RNF125: variants seen among roughly 807,000 people sequenced by gnomAD.
RNF125 encodes ring finger protein 125.
RNF125 carries 21 observed loss-of-function variants against 26.0 expected under a neutral mutation model. The observed-to-expected ratio is 0.81, with a 90% CI of 0.57 to 1.16. The LOEUF (loss-of-function observed/expected upper bound fraction) is 1.16, where lower values mean the gene tolerates loss of function less well. Among genes scored for constraint, RNF125 ranks in the 50% most tolerant of loss-of-function variants. The pLI, the probability that RNF125 is intolerant of heterozygous loss-of-function variation, is 0.00. For synonymous variants in RNF125, 95 were observed against 109.2 expected (o/e 0.87, Z 0.81); for missense variants, 270 against 299.4 (o/e 0.90, Z 0.72).
rs988285953 is a variant in RNF125, at chr18:32,065,830, C to T, written c.505-72C>T. ...ACAGGCGTAAGCCACCGCGCCCAGC[C>T]GTTGTTTTTAATTCTAACACTAATA... On this transcript the variant is annotated intron_variant, in intron 4 of 5. Coordinates refer to ENST00000217740, the MANE Select transcript of RNF125 (RefSeq NM_017831.4). 1.5e-5 allele frequency: 17 copies of T among 1,098,366 alleles called. No individual in the cohort carries two copies. The East Asian group carries it at 2.8e-4, about 18-fold the overall frequency. 68.0% of individuals were successfully genotyped at this position (1,098,366 alleles called of 1,614,324 possible). A position where few individuals can be genotyped will look rare whatever the true frequency, so the allele number is the denominator to read the frequency against.
chr18:32,074,033 A>G (rs751992388), downstream of RNF125, among the ~76,000 whole-genome samples: 5 of 152,208 alleles, frequency 3.3e-5, no homozygotes, highest in Non-Finnish European at 7.3e-5. Flanking sequence ...AAGAAGCCCA[A>G]CGAAGGAGAA....
chr18:32,061,788 A>G (rs1182706471), intron 4 of RNF125, among the ~76,000 whole-genome samples: 1 of 152,224 alleles, frequency 6.6e-6, no homozygotes, highest in Non-Finnish European at 1.5e-5. Flanking sequence ...TTGATACACT[A>G]TTGAAAGTAT....
Position 32,068,318 on chromosome 18 carries a change from A to G in RNF125, c.633A>G (p.Glu211=). 1 of 1,562,154 alleles carries G rather than the reference A, an allele frequency of 6.4e-7. No individual in the cohort carries two copies. Among genetic ancestry groups the G allele is most frequent in the Non-Finnish European group, 8.8e-7 (1 of 1,133,898 alleles). Residue 211 remains glutamate (E), a synonymous_variant, in exon 6 of 6, where the codon GAA becomes GAG. Coordinates refer to ENST00000217740, the MANE Select transcript of RNF125 (RefSeq NM_017831.4). ...TGTAGGATTTTAATATAATTGAGGA[A>G]GCTCTTATCCGAAGAGTCTTAGACC... The part of the protein sequence containing the change: ...DDFIDFNIIE[E]ALIRRVLDRS...
At chr18:32,027,220 A>G (rs2039045191) in intron 1 of RNF125, among the ~76,000 whole-genome samples, 1 of 150,152 alleles carries the variant, frequency 6.7e-6, no homozygotes. Flanking sequence ...GGACTACAGG[A>G]TGGAGTCTTT....
intron 4 of RNF125, among the ~76,000 whole-genome samples, chr18:32,056,736 A>G (rs2144503109): frequency 6.6e-6 from 1 of 152,242 alleles, no homozygotes; most frequent in Non-Finnish European, 1.5e-5. Flanking sequence ...AAGGAGTGGG[A>G]AGTTTTTCTA....
At chr18:32,056,682 AAG>A (rs2039388093) in intron 4 of RNF125, among the ~76,000 whole-genome samples, 1 of 151,246 alleles carries the variant, frequency 6.6e-6, no homozygotes, top group Non-Finnish European at 1.5e-5. Context: ...AACAATAAAA[AAG>A]AGCAAAACTC....
intron 5 of RNF125, among the ~76,000 whole-genome samples, chr18:32,067,964 C>A (rs1485500515): frequency 1.1e-4 from 17 of 152,214 alleles, no homozygotes; most frequent in Admixed American, 1.1e-3. Context: ...CTGAACTTTG[C>A]TCCATTTTAC....
intron 4 of RNF125, among the ~76,000 whole-genome samples, 178 bp from the exon 5 acceptor site, chr18:32,065,724 C>T (rs1053990274): frequency 1.9e-4 from 29 of 152,020 alleles, no homozygotes; most frequent in African/African-American, 6.7e-4. Context: ...GTAGAGACGG[C>T]GTTTCACCAT....
In RNF125 at chr18:32,051,694, C is replaced by CCT. The variant is rs796760192; in HGVS notation, c.504+5962_504+5963insCT. 5.9e-4 allele frequency among the ~76,000 whole-genome samples: 70 copies of CCT among 118,018 alleles called. 1 individual carries two copies. In the East Asian group the frequency reaches 0.016, roughly 26 times the overall value. 77.4% of individuals were successfully genotyped at this position (118,018 alleles called of 152,430 possible). On this transcript the variant is annotated intron_variant, in intron 4 of 5. Coordinates refer to ENST00000217740, the MANE Select transcript of RNF125 (RefSeq NM_017831.4). Reference sequence around the variant, plus strand: ...TTCCAGTGAGTTCTATATTTTCTTTCTTTTTTTTTTTTTTTGTTTGAGATA... The same window carrying CCT: ...TTCCAGTGAGTTCTATATTTTCTTTCCTTTTTTTTTTTTTTTTGTTTGAGATA...
rs1266916219 is a variant in RNF125, at chr18:32,062,033, G to A, written c.505-3869G>A. On this transcript the variant is annotated intron_variant, in intron 4 of 5. Transcript: ENST00000217740. Reference sequence around the variant, plus strand: ...ACTCTTCAAGGACAGGGATCAAATAGTAGTAAATATGTGGCATTTATTGAA... The same window carrying A: ...ACTCTTCAAGGACAGGGATCAAATAATAGTAAATATGTGGCATTTATTGAA... Among the ~76,000 whole-genome samples the A allele has an allele frequency of 2.6e-5, 4 of 152,278 alleles. No homozygotes were observed. The South Asian group carries it at 8.3e-4, about 32-fold the overall frequency.
intron 3 of RNF125, 75 bp downstream of exon 3, chr18:32,042,348 A>G (rs1050723648): frequency 3.9e-5 from 34 of 880,304 alleles, no homozygotes; most frequent in Middle Eastern, 3.3e-4. Flanking sequence ...TGGAAACTTT[A>G]ACATTCTTAT....
At chr18:32,061,064 G>T (rs1210720864) in intron 4 of RNF125, among the ~76,000 whole-genome samples, 3 of 152,006 alleles carry the variant, frequency 2.0e-5, no homozygotes, top group African/African-American at 4.8e-5. Flanking sequence ...TTGCTCTGGC[G>T]CCCAGGCTGG....
chr18:32,018,846 T>C lies in RNF125; in HGVS notation c.-18T>C, dbSNP rs17662563. 114,705 of 1,547,106 alleles carry C rather than the reference T, an allele frequency of 0.074. 4,653 individuals carry two copies. Among genetic ancestry groups the C allele is most frequent in the Middle Eastern group, 0.12 (661 of 5,594 alleles). On this transcript the variant is annotated 5_prime_UTR_variant, in exon 1 of 6. Coordinates refer to ENST00000217740, the MANE Select transcript of RNF125 (RefSeq NM_017831.4). The stretch of plus-strand genomic sequence containing the variant: ...AGGCACTGAGTGCTTCGCAGCTGTC[T>C]GGGCGAGAGGCACAGCGATGGGCTC...
At chr18:32,084,720 A>G in the RNF125 span, among the ~76,000 whole-genome samples, 1 of 152,176 alleles carries the variant, frequency 6.6e-6, no homozygotes, top group East Asian at 1.9e-4. Context: ...GATTATATTC[A>G]CCTCTATCCT....
At chr18:32,077,085 C>T (rs183266375), downstream of RNF125, among the ~76,000 whole-genome samples, 1 of 152,270 alleles carries the variant, frequency 6.6e-6, no homozygotes, top group East Asian at 1.9e-4. Context: ...TCTCCAAAAT[C>T]TAAAACAATG....
At chr18:32,062,086 G>T (rs919486704) in intron 4 of RNF125, among the ~76,000 whole-genome samples, 1 of 152,172 alleles carries the variant, frequency 6.6e-6, no homozygotes, top group Non-Finnish European at 1.5e-5. Flanking sequence ...GCACACTGAA[G>T]ACATTATCTG....
intron 1 of RNF125, 150 bp from the exon 2 acceptor site, chr18:32,036,966 A>T: frequency 1.6e-6 from 1 of 626,942 alleles, no homozygotes; most frequent in Admixed American, 3.1e-5. Context: ...AATTCTCGGG[A>T]AGTGCAGGGT....
downstream of RNF125, chr18:32,076,069 T>C (rs2039568543): frequency 8.6e-6 from 6 of 696,226 alleles, no homozygotes; most frequent in Admixed American, 1.1e-4. Context: ...TCTACACTTG[T>C]TTAGCCTGCC....
At chr18:32,037,750 C>CA (rs1239582486) in intron 2 of RNF125, among the ~76,000 whole-genome samples, 1 of 152,066 alleles carries the variant, frequency 6.6e-6, no homozygotes, top group Non-Finnish European at 1.5e-5. Flanking sequence ...TAAAATGCAC[C>CA]AATCAGTGCT....
Sources: allele counts gnomAD v4.1 joint callset (sites outside exome capture counted in the v4.1 genomes callset), GRCh38; gene constraint gnomAD v4.1.1; transcripts MANE v1.5; gene names NCBI Gene and HGNC (gene_info 2026-07-23, HGNC 2026-07-21).